Variants in DAPK1 observed in about 807,000 individuals in gnomAD.
DAPK1 encodes the protein death-associated protein kinase 1.
A neutral mutation model predicts 144.9 loss-of-function variants in DAPK1; 56 were observed. That is an observed-to-expected ratio of 0.39 (90% confidence interval 0.31 to 0.48). The LOEUF is 0.48. Among genes scored for constraint, DAPK1 ranks in the 20% least tolerant of loss-of-function variants. DAPK1 has a pLI of 0.95. For missense variants in DAPK1, 1,454 were observed against 1,875.4 expected (o/e 0.78, Z 4.15); for synonymous variants, 690 against 749.0 (o/e 0.92, Z 1.29).
In DAPK1 at chr9:87,706,389, G is replaced by T; in HGVS notation, c.3318G>T (p.Leu1106=). The T allele has an allele frequency of 6.2e-7, 1 of 1,611,844 alleles. No individual in the cohort carries two copies. The highest frequency in any genetic ancestry group is 8.5e-7 in the Non-Finnish European group (1 of 1,179,026). Reference sequence around the variant, plus strand: ...GGACCATGGTGGACGTCCCAGCCCTGATCAAGACAGACAACCTGCACCGCT... The same window carrying T: ...GGACCATGGTGGACGTCCCAGCCCTTATCAAGACAGACAACCTGCACCGCT... ...SSGTMVDVPA[L]IKTDNLHRSW... The change falls in exon 26 of 26, where the codon CTG becomes CTT. Residue 1106 remains leucine (L), a synonymous_variant. Transcript: ENST00000408954. The surrounding 1 kb of genome is among the most constrained non-coding windows in gnomAD (Gnocchi z 9.0).
At chr9:87,507,361 C>T (rs1451318352) in intron 2 of DAPK1, among the ~76,000 whole-genome samples, 2 of 152,130 alleles carry the variant, frequency 1.3e-5, no homozygotes, top group Non-Finnish European at 2.9e-5. Context: ...TACAGGCATG[C>T]ACCACCACGC....
At chr9:87,645,043 G>A (rs1364811013) in intron 11 of DAPK1, among the ~76,000 whole-genome samples, 1 of 152,204 alleles carries the variant, frequency 6.6e-6, no homozygotes. Flanking sequence ...AGCAGATGGA[G>A]AGAAATGCTT....
At chr9:87,693,962 G>C (rs911206180) in intron 21 of DAPK1, among the ~76,000 whole-genome samples, 1 of 152,152 alleles carries the variant, frequency 6.6e-6, no homozygotes, top group African/African-American at 2.4e-5. Context: ...TGGCAGTGGT[G>C]GGCTGAGCAT....
chr9:87,698,791 A>G lies in DAPK1; in HGVS notation c.2747A>G (p.Asn916Ser). The G allele has an allele frequency of 1.2e-6, 2 of 1,602,878 alleles. No homozygotes were observed. The highest frequency in any genetic ancestry group is 1.7e-6 in the Non-Finnish European group (2 of 1,169,958). Residue 916 changes from asparagine (N) to serine (S), a missense_variant, in exon 23 of 26, where the codon AAC becomes AGC. Asn to Ser is a conservative substitution (Grantham distance 46, BLOSUM62 1). Transcript: ENST00000408954. ...KDTSLLKEIR[N>S]RFGNDLHISN... Reference sequence around the variant, plus strand: ...ACATCGTTGCTGAAAGAGATTAGGAACAGGTGAGGGGCAGCCACTTAGTCT... The same window carrying G: ...ACATCGTTGCTGAAAGAGATTAGGAGCAGGTGAGGGGCAGCCACTTAGTCT...
intron 21 of DAPK1, 24 bp from the exon 22 acceptor site, chr9:87,696,980 ATTG>A: frequency 8.2e-7 from 1 of 1,213,750 alleles, no homozygotes; most frequent in Admixed American, 1.7e-5. Context: ...GTGTTTCACG[ATTG>A]TTATCATTTT....
chr9:87,540,803 G>A (rs1305458848), intron 2 of DAPK1, among the ~76,000 whole-genome samples: 1 of 152,124 alleles, frequency 6.6e-6, no homozygotes, highest in Non-Finnish European at 1.5e-5. Context: ...TCTCTTAAGG[G>A]AACCTGCATC....
At position 87,665,688 on chromosome 9, in the gene DAPK1, C is replaced by T. The variant is rs183242419; in HGVS notation, c.1924-2909C>T. ...TAAAACTGGCTGGCCTGTGGGGCTC[C>T]GGCTTCTTGAACACAATAAGTGAAG... On this transcript the variant is annotated intron_variant, in intron 18 of 25. Coordinates refer to ENST00000408954, the MANE Select transcript of DAPK1 (RefSeq NM_004938.4). 2.8e-3 allele frequency among the ~76,000 whole-genome samples: 425 copies of T among 152,310 alleles called. 4 individuals carry two copies. Among genetic ancestry groups the T allele is most frequent in the African/African-American group, 9.9e-3 (410 of 41,568 alleles).
chr9:87,640,645 G>A (rs2119134772), intron 8 of DAPK1, among the ~76,000 whole-genome samples, 157 bp from the exon 9 acceptor site: 1 of 152,378 alleles, frequency 6.6e-6, no homozygotes, highest in Non-Finnish European at 1.5e-5. Flanking sequence ...TGCAGGCACA[G>A]TGAAATAATC....
intron 16 of DAPK1, among the ~76,000 whole-genome samples, chr9:87,650,806 C>T (rs1045610487): frequency 6.6e-6 from 1 of 152,238 alleles, no homozygotes; most frequent in Non-Finnish European, 1.5e-5. Flanking sequence ...TTGCTACTGG[C>T]ATCTCGTCGA....
At chr9:87,580,507 G>A (rs1449331970) in intron 2 of DAPK1, among the ~76,000 whole-genome samples, 1 of 152,142 alleles carries the variant, frequency 6.6e-6, no homozygotes, top group Non-Finnish European at 1.5e-5. Context: ...CTAGTTTTCT[G>A]TTTGGAAAAT....
At position 87,605,075 on chromosome 9, in the gene DAPK1, G is replaced by A. The variant is rs768749178; in HGVS notation, c.184G>A (p.Glu62Lys). 3.7e-6 allele frequency: 6 copies of A among 1,614,224 alleles called. No homozygotes were observed. The highest frequency in any genetic ancestry group is 3.3e-5 in the South Asian group (3 of 91,082). ...GCGGGGTGTGAGCCGCGAGGACATC[G>A]AGCGGGAGGTCAGCATCCTGAAGGA... is the stretch of plus-strand genomic sequence containing the variant. ...SRRGVSREDI[E>K]REVSILKEIQ... The change falls in exon 3 of 26, where the codon GAG becomes AAG. Residue 62 changes from glutamate (E) to lysine (K), a missense_variant. Physicochemically the swap from Glu to Lys is moderately conservative, Grantham distance 56. Around this residue, in one of 2 missense-constraint regions of DAPK1, gnomAD observed 429 missense variants for 637.5 expected, o/e 0.67. Transcript: ENST00000408954.
At chr9:87,622,767 CG>C (rs545234029) in intron 3 of DAPK1, among the ~76,000 whole-genome samples, 223 of 152,004 alleles carry the variant, frequency 1.5e-3, no homozygotes, top group African/African-American at 5.1e-3. Context: ...AAAAATCAGC[CG>C]GGTGTGGTGG....
intron 2 of DAPK1, among the ~76,000 whole-genome samples, chr9:87,555,396 C>T (rs1826671442): frequency 6.6e-6 from 1 of 152,174 alleles, no homozygotes; most frequent in Admixed American, 6.5e-5. Flanking sequence ...ATGAGAATGA[C>T]ACCCTGGGGC....
At chr9:87,653,890 C>T (rs1305166570) in intron 17 of DAPK1, among the ~76,000 whole-genome samples, 4 of 152,050 alleles carry the variant, frequency 2.6e-5, no homozygotes, top group African/African-American at 7.2e-5. Flanking sequence ...GACAGGGTTT[C>T]ACCATGTTGG....
intron 11 of DAPK1, among the ~76,000 whole-genome samples, chr9:87,643,845 A>G (rs2119149248): frequency 6.6e-6 from 1 of 152,268 alleles, no homozygotes; most frequent in South Asian, 2.1e-4. Flanking sequence ...CAGAAGAGAA[A>G]AGAGCTTATC....
chr9:87,625,953 A>G (rs1026715762), intron 3 of DAPK1, among the ~76,000 whole-genome samples: 4 of 152,366 alleles, frequency 2.6e-5, no homozygotes, highest in African/African-American at 7.2e-5. Context: ...GTTAATGACT[A>G]TGATGGTTCA....
intron 22 of DAPK1, among the ~76,000 whole-genome samples, chr9:87,697,852 G>C (rs1369746309): frequency 6.6e-6 from 1 of 152,234 alleles, no homozygotes; most frequent in African/African-American, 2.4e-5. Flanking sequence ...TACTTCAGGG[G>C]CTGAGGCAGG....
At chr9:87,540,335 C>A (rs4878098) in intron 2 of DAPK1, among the ~76,000 whole-genome samples, 68,519 of 151,326 alleles carry the variant, frequency 0.45, 15,675 homozygotes, top group South Asian at 0.57. Flanking sequence ...GATTACGGGC[C>A]TGTGCCACCA....
At chr9:87,653,769 C>T (rs1830539688) in intron 17 of DAPK1, among the ~76,000 whole-genome samples, 1 of 152,082 alleles carries the variant, frequency 6.6e-6, no homozygotes, top group African/African-American at 2.4e-5. Context: ...TCTTGGCTCG[C>T]TGCAACCTCT....
Sources: gnomAD v4.1 joint callset for allele counts (sites outside exome capture counted in the v4.1 genomes callset) on GRCh38, gnomAD v4.1.1 for gene constraint, gnomAD v4.1.1 regional missense constraint, Gnocchi (gnomAD v3.1) non-coding constraint, MANE v1.5 for transcripts, NCBI Gene and HGNC (gene_info 2026-07-23, HGNC 2026-07-21) for gene names.